The following DSCAML1 variants were observed in gnomAD, a reference collection of about 807,000 sequenced individuals.
DSCAML1 encodes the protein DS cell adhesion molecule like 1.
Under a neutral mutation model 200.5 loss-of-function variants are expected in DSCAML1, and 38 were observed. That is an observed-to-expected ratio of 0.19 (90% CI 0.15 to 0.25). The LOEUF is 0.25. Among genes scored for constraint, DSCAML1 ranks in the 10% least tolerant of loss-of-function variants. The pLI, the probability that DSCAML1 is intolerant of heterozygous loss-of-function variation, is 1.00. For synonymous variants in DSCAML1, 1,215 were observed against 1,165.0 expected, an observed-to-expected ratio of 1.04 and a Z score of -0.87; for missense variants, 2,223 against 2,858.8, an observed-to-expected ratio of 0.78 and a Z score of 5.07.
intron 3 of DSCAML1, among the ~76,000 whole-genome samples, chr11:117,653,531 G>T (rs2052673610): frequency 6.6e-6 from 1 of 152,138 alleles, no homozygotes; most frequent in Admixed American, 6.5e-5. Flanking sequence ...TAGCCCATGA[G>T]CTAGGTGAGG....
chr11:117,568,397 T>C (rs1207355627), intron 3 of DSCAML1, among the ~76,000 whole-genome samples: 1 of 152,112 alleles, frequency 6.6e-6, no homozygotes, highest in Admixed American at 6.6e-5. Flanking sequence ...GAGAAGGAAA[T>C]AAAGGGTATT....
At chr11:117,561,310 C>G (rs1468906415) in intron 3 of DSCAML1, among the ~76,000 whole-genome samples, 1 of 152,230 alleles carries the variant, frequency 6.6e-6, no homozygotes, top group Non-Finnish European at 1.5e-5. Flanking sequence ...ACCAGTTCCA[C>G]AGTGACACCG....
intron 3 of DSCAML1, among the ~76,000 whole-genome samples, chr11:117,587,797 T>C (rs1356176896): frequency 1.3e-5 from 2 of 152,264 alleles, no homozygotes; most frequent in East Asian, 3.9e-4. Flanking sequence ...TTGTCCCTTA[T>C]CTCCACCCTG....
Position 117,430,763 on chromosome 11 carries a change from C to T in DSCAML1, c.5645G>A (p.Gly1882Asp), listed in dbSNP as rs1252846665. The T allele has an allele frequency of 2.5e-6, 4 of 1,613,814 alleles. No homozygotes were observed. Among genetic ancestry groups the T allele is most frequent in the Admixed American group, 1.7e-5 (1 of 59,996 alleles). Residue 1882 changes from glycine (G) to aspartate (D), a missense_variant, in exon 32 of 33, where the codon GGC becomes GAC. By Grantham distance (94) the Gly-to-Asp change is moderately conservative. This residue lies in a region of DSCAML1 where 96 missense variants were observed against 160.7 expected (regional missense o/e 0.60). Coordinates refer to ENST00000651296, the MANE Select transcript of DSCAML1 (RefSeq NM_020693.4). ...AGGGATGGGCACAGCCACGTTTTTG[C>T]CCCGGTCCGCATCCTGGGGCTTGGG... Reference protein sequence around the residue: ...SPPKPQDADRGKNVAVPIPHR... With the variant: ...SPPKPQDADRDKNVAVPIPHR...
intron 3 of DSCAML1, among the ~76,000 whole-genome samples, chr11:117,718,664 CAA>C (rs67925411): frequency 4.4e-4 from 19 of 42,994 alleles, no homozygotes; most frequent in South Asian, 1.0e-3. Context: ...GATGAATACT[CAA>C]AACCCCCCCC....
intron 3 of DSCAML1, among the ~76,000 whole-genome samples, chr11:117,707,588 C>T (rs113368338): frequency 0.01 from 1,540 of 152,126 alleles, 21 homozygotes; most frequent in African/African-American, 0.034. Context: ...GGCTGGAGTG[C>T]GGTGGCGTGA....
intron 3 of DSCAML1, among the ~76,000 whole-genome samples, chr11:117,745,572 G>T (rs569958974): frequency 1.3e-5 from 2 of 152,298 alleles, no homozygotes; most frequent in South Asian, 4.1e-4. Context: ...GGGGCTGGGG[G>T]CTATGGGATG....
chr11:117,597,908 A>G (rs1405467565), intron 3 of DSCAML1, among the ~76,000 whole-genome samples: 1 of 92,682 alleles, frequency 1.1e-5, no homozygotes, highest in Admixed American at 9.3e-5. Context: ...GTCTTTACTT[A>G]AAGAAAAAAA....
intron 21 of DSCAML1, among the ~76,000 whole-genome samples, chr11:117,443,054 C>T (rs1299740538): frequency 2.0e-5 from 3 of 152,144 alleles, no homozygotes; most frequent in Non-Finnish European, 4.4e-5. Flanking sequence ...CTTGAGTGGC[C>T]CCGGTAGGCT....
At chr11:117,705,716 C>T (rs1487687269) in intron 3 of DSCAML1, among the ~76,000 whole-genome samples, 1 of 152,200 alleles carries the variant, frequency 6.6e-6, no homozygotes, top group Non-Finnish European at 1.5e-5. Context: ...CTTACTGCCA[C>T]CCACCTCCCA....
In DSCAML1 at chr11:117,647,459, G is replaced by A. The variant is rs17121019; in HGVS notation, c.512-114937C>T. Among the ~76,000 whole-genome samples the A allele has an allele frequency of 8.6e-3, 1,314 of 152,308 alleles. 26 individuals are homozygous for A. In the East Asian group the frequency reaches 0.091, roughly 11 times the overall value. ...CACTTAGCCAGCCCTTCCCAGGAGC[G>A]TATTTCTCAGAGTCAGAGGGCAGCC... On this transcript the variant is annotated intron_variant, in intron 3 of 32. Transcript: ENST00000651296.
Position 117,505,589 on chromosome 11 carries a change from C to T in DSCAML1, c.1927G>A (p.Val643Met). The change falls in exon 9 of 33, where the codon GTG (valine) becomes ATG (methionine). Residue 643 changes from valine (V) to methionine (M), a missense_variant. Physicochemically the swap from Val to Met is conservative, Grantham distance 21 (BLOSUM62 1). Around this residue, in one of 7 missense-constraint regions of DSCAML1, gnomAD observed 212 missense variants for 368.0 expected, o/e 0.58. Transcript: ENST00000651296. This position sits in a 1 kb window ranked among gnomAD's most constrained non-coding sequence, Gnocchi z 6.7. ...ATGAATTCCTTGCTCTCGATGGTCA[C>T]GCCCGAGCCTGAGATGATCACCTGT... is the stretch of plus-strand genomic sequence containing the variant. ...DGQVIISGSG[V>M]TIESKEFMSS... 9 of 1,613,848 alleles carry T rather than the reference C, an allele frequency of 5.6e-6. No homozygotes were observed. Among genetic ancestry groups the T allele is most frequent in the East Asian group, 2.2e-5 (1 of 44,864 alleles).
intron 3 of DSCAML1, among the ~76,000 whole-genome samples, chr11:117,627,599 G>A (rs4936390): frequency 0.016 from 2,383 of 152,168 alleles, 32 homozygotes; most frequent in East Asian, 0.058. Context: ...TCTGCTGCCC[G>A]TGGCTTGGTT....
At chr11:117,566,744 A>C (rs1174145230) in intron 3 of DSCAML1, among the ~76,000 whole-genome samples, 2 of 134,030 alleles carry the variant, frequency 1.5e-5, no homozygotes. Context: ...CTACCCCACA[A>C]CAGTCCCCAG....
intron 1 of DSCAML1, among the ~76,000 whole-genome samples, chr11:117,806,253 A>G (rs745683059): frequency 1.7e-4 from 26 of 152,350 alleles, no homozygotes; most frequent in African/African-American, 4.3e-4. Context: ...AAACCAAGGT[A>G]GGATGTGAGT....
intron 32 of DSCAML1, among the ~76,000 whole-genome samples, chr11:117,430,209 C>T (rs562059426): frequency 6.6e-6 from 1 of 152,322 alleles, no homozygotes; most frequent in African/African-American, 2.4e-5. Context: ...CAGGCCAGGT[C>T]ACTGCCTACT....
chr11:117,683,875 C>T (rs893388311), intron 3 of DSCAML1, among the ~76,000 whole-genome samples: 1 of 152,218 alleles, frequency 6.6e-6, no homozygotes, highest in Non-Finnish European at 1.5e-5. Flanking sequence ...TGGCTGTCTC[C>T]TGTCATCACC....
At chr11:117,683,011 T>G (rs950872529) in intron 3 of DSCAML1, among the ~76,000 whole-genome samples, 3 of 152,232 alleles carry the variant, frequency 2.0e-5, no homozygotes, top group Non-Finnish European at 2.9e-5. Context: ...CACAGAGGAC[T>G]TGCCCCTTTC....
At chr11:117,538,677 G>A (rs1352306967) in intron 3 of DSCAML1, among the ~76,000 whole-genome samples, 7 of 152,118 alleles carry the variant, frequency 4.6e-5, no homozygotes, top group African/African-American at 1.7e-4. Context: ...ATAATTGATA[G>A]AAACCTCTGG....
Sources: gnomAD v4.1 joint callset for allele counts (sites outside exome capture counted in the v4.1 genomes callset) on GRCh38, gnomAD v4.1.1 for gene constraint, gnomAD v4.1.1 regional missense constraint, Gnocchi (gnomAD v3.1) non-coding constraint, MANE v1.5 for transcripts, NCBI Gene and HGNC (gene_info 2026-07-23, HGNC 2026-07-21) for gene names.